PGAP3: variants seen among roughly 807,000 people sequenced by gnomAD.
PGAP3 encodes GPI-specific phospholipase A2-like PGAP3.
PGAP3 carries 31 observed loss-of-function variants against 40.3 expected under a neutral mutation model. The ratio of observed to expected loss-of-function variants is 0.77; its 90% CI spans 0.58 to 1.04. The LOEUF (loss-of-function observed/expected upper bound fraction) is 1.04. PGAP3 is among the 50% of genes least tolerant of loss of function. The pLI is 0.00. For missense variants in PGAP3, 413 were observed against 423.0 expected (o/e 0.98, Z 0.21); for synonymous variants, 191 against 184.5 (o/e 1.04, Z -0.29).
rs369578650 is a variant in PGAP3, at chr17:39,673,182, G to A, written c.768C>T (p.Cys256=). The A allele has an allele frequency of 1.5e-5, 24 of 1,578,296 alleles. No homozygotes were observed. The East Asian group carries it at 2.3e-4, about 15-fold the overall frequency. ...CCTGCAGCAGCAAGACCACCACCAC[G>A]CACTTGCGCACGTGAGGCAGCCGCC... ...NQRRLPHVRK[C]VVVVLLLQGL... Residue 256 remains cysteine (C), a synonymous_variant, in exon 7 of 8, where the codon TGC becomes TGT. Transcript: ENST00000300658.
At chr17:39,679,135 G>A (rs931606493) in intron 3 of PGAP3, among the ~76,000 whole-genome samples, 1 of 151,990 alleles carries the variant, frequency 6.6e-6, no homozygotes, top group East Asian at 1.9e-4. Flanking sequence ...TAGTAGAGAC[G>A]GGGTTTCACC....
At chr17:39,679,787 C>G (rs1316009998) in intron 3 of PGAP3, among the ~76,000 whole-genome samples, 1 of 152,218 alleles carries the variant, frequency 6.6e-6, no homozygotes. Flanking sequence ...TCCATCTACT[C>G]TTCTACTCCT....
At chr17:39,685,247 G>C (rs2057495290) in intron 2 of PGAP3, among the ~76,000 whole-genome samples, 1 of 151,782 alleles carries the variant, frequency 6.6e-6, no homozygotes. Flanking sequence ...GGAAGCTGAG[G>C]CGAGAGGGTC....
intron 3 of PGAP3, among the ~76,000 whole-genome samples, chr17:39,682,184 C>T (rs1351334432): frequency 7.6e-6 from 1 of 132,080 alleles, no homozygotes; most frequent in African/African-American, 2.9e-5. Flanking sequence ...CAAGATGGCG[C>T]CACTGCACTC....
intron 3 of PGAP3, among the ~76,000 whole-genome samples, chr17:39,683,237 G>T: frequency 6.6e-6 from 1 of 152,100 alleles, no homozygotes; most frequent in East Asian, 1.9e-4. Flanking sequence ...AGGCTGCCTG[G>T]AATGACCCTC....
chr17:39,678,884 C>T (rs796678748), intron 3 of PGAP3, among the ~76,000 whole-genome samples: 2 of 152,176 alleles, frequency 1.3e-5, no homozygotes, highest in South Asian at 4.1e-4. Flanking sequence ...CCCCACATCC[C>T]ATAAGACACA....
chr17:39,680,106 T>A (rs1443009715), intron 3 of PGAP3, among the ~76,000 whole-genome samples: 1 of 152,086 alleles, frequency 6.6e-6, no homozygotes, highest in African/African-American at 2.4e-5. Context: ...GGATTCAGCC[T>A]CCACAAGTGC....
chr17:39,673,487 GA>G (rs1198348415), intron 6 of PGAP3, 26 bp downstream of exon 6: 1 of 1,613,682 alleles, frequency 6.2e-7, no homozygotes, highest in Non-Finnish European at 8.5e-7. Flanking sequence ...CACTTCTGCA[GA>G]TGGCCCAAGC....
At position 39,671,819 on chromosome 17, in the gene PGAP3, C is replaced by T. The variant is rs14050; in HGVS notation, c.*984G>A. ...CTCCTGGCTGTCCGCCCAGGTGGCG[C>T]CTTGGGCAGAGCTGGCGCTCCACAA... On this transcript the variant is annotated 3_prime_UTR_variant, in exon 8 of 8. Coordinates refer to ENST00000300658, the MANE Select transcript of PGAP3 (RefSeq NM_033419.5). 93,499 of 152,250 alleles carry T rather than the reference C, an allele frequency of 0.61. 29,679 individuals carry two copies. The highest frequency in any genetic ancestry group is 0.74 in the South Asian group (3,552 of 4,820). 9.4% of individuals were successfully genotyped at this position (152,250 alleles called of 1,614,324 possible).
At chr17:39,687,695 C>T in intron 1 of PGAP3, 139 bp downstream of exon 1, 1 of 581,428 alleles carries the variant, frequency 1.7e-6, no homozygotes, top group Non-Finnish European at 2.6e-6. Flanking sequence ...GTAAGGCTCT[C>T]ATCACCTTAG....
chr17:39,684,752 G>A lies in PGAP3; in HGVS notation c.280-3C>T, dbSNP rs769193644. On this transcript the variant is annotated splice_polypyrimidine_tract_variant and splice_region_variant and intron_variant, in intron 2 of 7. Transcript: ENST00000300658. ...AACAGGAACCGGGAGAAGGGCCACT[G>A]AAAAAGGAGCAGATGAAGGAGGTTT... 3 of 1,594,612 alleles carry A rather than the reference G, an allele frequency of 1.9e-6. No homozygotes were observed. The highest frequency in any genetic ancestry group is 2.6e-6 in the Non-Finnish European group (3 of 1,171,140).
chr17:39,681,545 G>T (rs1407877548), intron 3 of PGAP3, among the ~76,000 whole-genome samples: 1 of 151,796 alleles, frequency 6.6e-6, no homozygotes, highest in African/African-American at 2.4e-5. Context: ...TTTCACTGTT[G>T]TTGCCCAGGC....
In PGAP3 at chr17:39,673,981, A is replaced by C. The variant is rs768199465; in HGVS notation, c.557+12T>G. On this transcript the variant is annotated intron_variant, in intron 5 of 7. Coordinates refer to ENST00000300658, the MANE Select transcript of PGAP3 (RefSeq NM_033419.5). ...TTCGATTTTGCCCCTGCAGCCACCC[A>C]GGCAGGCTCACCTGACGCAGCACAG... The C allele has an allele frequency of 1.9e-6, 3 of 1,613,682 alleles. No individual in the cohort carries two copies. The African/African-American group carries it at 4.0e-5, about 22-fold the overall frequency.
At position 39,681,214 on chromosome 17, in the gene PGAP3, T is replaced by C. The variant is rs187723572; in HGVS notation, c.432+3383A>G. On this transcript the variant is annotated intron_variant, in intron 3 of 7. Coordinates refer to ENST00000300658, the MANE Select transcript of PGAP3 (RefSeq NM_033419.5). The stretch of plus-strand genomic sequence containing the variant: ...AACACAAGGGGTCATCCCTTACTGC[T>C]CTTTCCTCATCTAATCCACTCTTGA... 7.9e-5 allele frequency among the ~76,000 whole-genome samples: 12 copies of C among 152,256 alleles called. No homozygotes were observed. In the East Asian group the frequency reaches 2.3e-3, roughly 29 times the overall value.
In PGAP3 at chr17:39,672,762, G is replaced by C; in HGVS notation, c.*41C>G. The C allele has an allele frequency of 6.3e-7, 1 of 1,579,850 alleles. No individual in the cohort carries two copies. The highest frequency in any genetic ancestry group is 8.7e-7 in the Non-Finnish European group (1 of 1,149,412). On this transcript the variant is annotated 3_prime_UTR_variant, in exon 8 of 8. Coordinates refer to ENST00000300658, the MANE Select transcript of PGAP3 (RefSeq NM_033419.5). The stretch of plus-strand genomic sequence containing the variant: ...AGGGGAGAAGGGAGGCCAGCAGGGC[G>C]GGGGCAGGATCCCCACTGGGGCAGA...
At chr17:39,677,796 T>A (rs2057392916) in intron 3 of PGAP3, among the ~76,000 whole-genome samples, 1 of 152,094 alleles carries the variant, frequency 6.6e-6, no homozygotes, top group Non-Finnish European at 1.5e-5. Context: ...GACAAAAATA[T>A]CACAGCCGTG....
At chr17:39,682,062 TAC>T (rs1228360322) in intron 3 of PGAP3, among the ~76,000 whole-genome samples, 1 of 150,692 alleles carries the variant, frequency 6.6e-6, no homozygotes, top group Admixed American at 6.6e-5. Context: ...CTACTAAAAA[TAC>T]ACACACAAAA....
In PGAP3 at chr17:39,672,211, G is replaced by A. The variant is rs1405868052; in HGVS notation, c.*592C>T. ...GAGCCCTGGCCCTGAAAGGGAGTAT[G>A]GTGAGGCCTCCTGGGAACCTGGCTA... is the stretch of plus-strand genomic sequence containing the variant. On this transcript the variant is annotated 3_prime_UTR_variant, in exon 8 of 8. Coordinates refer to ENST00000300658, the MANE Select transcript of PGAP3 (RefSeq NM_033419.5). 1 of 156,040 alleles carries A rather than the reference G, an allele frequency of 6.4e-6. No individual in the cohort carries two copies. The highest frequency in any genetic ancestry group is 1.9e-4 in the East Asian group (1 of 5,344). The allele number at this position is 156,040 out of a possible 1,614,324, so 9.7% of individuals were successfully genotyped here. A position where few individuals can be genotyped will look rare whatever the true frequency, so the allele number is the denominator to read the frequency against.
At position 39,674,095 on chromosome 17, in the gene PGAP3, T is replaced by C. The variant is rs747769335; in HGVS notation, c.496-41A>G. 6 of 1,595,880 alleles carry C rather than the reference T, an allele frequency of 3.8e-6. No individual in the cohort carries two copies. In the South Asian group the frequency reaches 4.4e-5, roughly 12 times the overall value. ...GGTGGTGAGGGACCAGCATGAGGCT[T>C]CACGGAGAGGACCCGCGGGGATGGG... On this transcript the variant is annotated intron_variant, in intron 4 of 7. Transcript: ENST00000300658.
Sources: gnomAD v4.1 joint callset for allele counts (sites outside exome capture counted in the v4.1 genomes callset) on GRCh38, gnomAD v4.1.1 for gene constraint, MANE v1.5 for transcripts, NCBI Gene and HGNC (gene_info 2026-07-23, HGNC 2026-07-21) for gene names.